Variants in EEFSEC observed in about 807,000 individuals in gnomAD.
The protein encoded by EEFSEC is eukaryotic elongation factor, selenocysteine-tRNA specific, also known as selenocysteine-specific elongation factor.
In EEFSEC, 43 loss-of-function variants were observed where a neutral mutation model predicts 42.1. That is an observed-to-expected ratio of 1.02 (90% CI 0.80 to 1.32). The LOEUF (loss-of-function observed/expected upper bound fraction) is 1.32. Among genes scored for constraint, EEFSEC ranks in the 40% most tolerant of loss-of-function variants. The pLI is 0.00. For missense variants in EEFSEC, 745 were observed against 803.6 expected, an observed-to-expected ratio of 0.93 and a Z score of 0.88; for synonymous variants, 354 against 339.1, an observed-to-expected ratio of 1.04 and a Z score of -0.48.
At chr3:128,383,315 C>T (rs1009539846) in intron 6 of EEFSEC, among the ~76,000 whole-genome samples, 3 of 152,164 alleles carry the variant, frequency 2.0e-5, no homozygotes, top group Non-Finnish European at 2.9e-5. Flanking sequence ...AATAAGTGCT[C>T]CGTGAATATG....
chr3:128,323,725 C>T (rs1056560317), intron 4 of EEFSEC, among the ~76,000 whole-genome samples: 3 of 152,210 alleles, frequency 2.0e-5, no homozygotes, highest in African/African-American at 7.2e-5. Context: ...TGGAGCACTT[C>T]CTCCCCTGAA....
intron 6 of EEFSEC, among the ~76,000 whole-genome samples, chr3:128,372,448 C>T (rs974324310): frequency 6.6e-6 from 1 of 152,156 alleles, no homozygotes; most frequent in African/African-American, 2.4e-5. Flanking sequence ...CCCCAAATTC[C>T]CCCATGATTT....
At chr3:128,274,871 A>G (rs754648163) in intron 4 of EEFSEC, among the ~76,000 whole-genome samples, 1 of 152,134 alleles carries the variant, frequency 6.6e-6, no homozygotes, top group Non-Finnish European at 1.5e-5. Flanking sequence ...TTCAGGTGGG[A>G]ATGGTTCTTC....
At chr3:128,183,437 A>T (rs184853019) in intron 1 of EEFSEC, among the ~76,000 whole-genome samples, 242 of 152,250 alleles carry the variant, frequency 1.6e-3, no homozygotes, top group African/African-American at 5.5e-3. Flanking sequence ...TGTATACTCT[A>T]TGTCTGTCTA....
chr3:128,326,282 C>T lies in EEFSEC; in HGVS notation c.787-14951C>T, dbSNP rs531162629. On this transcript the variant is annotated intron_variant, in intron 4 of 6. Transcript: ENST00000254730. ...GCCCTCCTGCTCTCTGGCTGCTGGG[C>T]CAGGCACTGCGTGAAGCTTGGATTG... is the stretch of plus-strand genomic sequence containing the variant. Among the ~76,000 whole-genome samples, 3 of 152,372 alleles carry T rather than the reference C, an allele frequency of 2.0e-5. No homozygotes were observed. The South Asian group carries it at 6.2e-4, about 32-fold the overall frequency.
In EEFSEC at chr3:128,341,394, C is replaced by T. The variant is rs756476023; in HGVS notation, c.948C>T (p.Leu316=). 1.1e-5 allele frequency: 17 copies of T among 1,614,074 alleles called. No individual in the cohort carries two copies. Among genetic ancestry groups the T allele is most frequent in the Middle Eastern group, 3.3e-4 (2 of 6,084 alleles). The part of the protein sequence containing the change: ...PESLHTVHAA[L]ISVEKIPYFR... Reference sequence around the variant, plus strand: ...CCCTGCACACTGTCCATGCGGCCCTCATCTCTGTGGAAAAGATACCGTATT... The same window carrying T: ...CCCTGCACACTGTCCATGCGGCCCTTATCTCTGTGGAAAAGATACCGTATT... The change falls in exon 5 of 7, where the codon CTC becomes CTT. Residue 316 remains leucine, a synonymous_variant. Coordinates refer to ENST00000254730, the MANE Select transcript of EEFSEC (RefSeq NM_021937.5).
chr3:128,259,327 A>G (rs1400850114), intron 2 of EEFSEC, among the ~76,000 whole-genome samples: 1 of 152,216 alleles, frequency 6.6e-6, no homozygotes, highest in Non-Finnish European at 1.5e-5. Flanking sequence ...TGGGTATACA[A>G]ACAATTGGAA....
chr3:128,289,606 A>G (rs1212242684), intron 4 of EEFSEC, among the ~76,000 whole-genome samples: 1 of 152,234 alleles, frequency 6.6e-6, no homozygotes, highest in South Asian at 2.1e-4. Context: ...GAAATGTCCC[A>G]TTTTAAAATA....
chr3:128,261,519 G>A (rs955883953), intron 2 of EEFSEC, among the ~76,000 whole-genome samples: 1 of 150,158 alleles, frequency 6.7e-6, no homozygotes, highest in Admixed American at 6.6e-5. Context: ...ACCAAATGAT[G>A]GGATTATGGG....
chr3:128,191,209 G>A (rs767763716), intron 1 of EEFSEC, among the ~76,000 whole-genome samples: 24 of 152,142 alleles, frequency 1.6e-4, no homozygotes, highest in South Asian at 1.0e-3. Flanking sequence ...TTGCCATGTC[G>A]TGGTTTCATC....
chr3:128,329,802 T>C lies in EEFSEC; in HGVS notation c.787-11431T>C, dbSNP rs2335770. 0.028 allele frequency among the ~76,000 whole-genome samples: 4,257 copies of C among 152,318 alleles called. 419 individuals are homozygous for C. In the East Asian group the frequency reaches 0.36, roughly 13 times the overall value. ...GTGGGAGCCACACATAGGAGGGACA[T>C]GGCCAGTGCTGGGCTTTCATAAACC... On this transcript the variant is annotated intron_variant, in intron 4 of 6. Coordinates refer to ENST00000254730, the MANE Select transcript of EEFSEC (RefSeq NM_021937.5).
the EEFSEC span, among the ~76,000 whole-genome samples, chr3:128,420,903 A>C: frequency 2.6e-5 from 4 of 152,062 alleles, no homozygotes; most frequent in African/African-American, 9.7e-5. Flanking sequence ...CAGGTTCCAG[A>C]AGCGGCGGCC....
At chr3:128,206,442 C>T (rs2065697420) in intron 1 of EEFSEC, among the ~76,000 whole-genome samples, 1 of 152,168 alleles carries the variant, frequency 6.6e-6, no homozygotes, top group South Asian at 2.1e-4. Context: ...GGTTCCATCT[C>T]TGCTGTGGGA....
the EEFSEC span, among the ~76,000 whole-genome samples, chr3:128,419,596 C>T: frequency 6.6e-6 from 1 of 152,160 alleles, no homozygotes. Context: ...GGCACTCAGC[C>T]TTATGTTTTC....
intron 6 of EEFSEC, among the ~76,000 whole-genome samples, chr3:128,380,054 A>G (rs1431986300): frequency 6.6e-6 from 1 of 152,196 alleles, no homozygotes; most frequent in Non-Finnish European, 1.5e-5. Context: ...TATTGGTCTC[A>G]TGTCATTAGT....
At chr3:128,371,109 C>A (rs1394396207) in intron 6 of EEFSEC, among the ~76,000 whole-genome samples, 4 of 151,680 alleles carry the variant, frequency 2.6e-5, no homozygotes, top group East Asian at 1.9e-4. Flanking sequence ...GGTTTTGGAG[C>A]AGTTTTTTTT....
chr3:128,295,953 C>T (rs1431156689), intron 4 of EEFSEC, among the ~76,000 whole-genome samples: 2 of 152,204 alleles, frequency 1.3e-5, no homozygotes, highest in East Asian at 3.9e-4. Flanking sequence ...CCAGCCCCAG[C>T]CTCAGCTCTT....
At chr3:128,410,206 G>A (rs892852270), downstream of EEFSEC, among the ~76,000 whole-genome samples, 4 of 152,176 alleles carry the variant, frequency 2.6e-5, no homozygotes, top group Non-Finnish European at 5.9e-5. Context: ...CTTCTTAGGC[G>A]AGGAAACCTC....
intron 6 of EEFSEC, among the ~76,000 whole-genome samples, chr3:128,363,571 G>A (rs2067554474): frequency 6.6e-6 from 1 of 152,168 alleles, no homozygotes; most frequent in Admixed American, 6.5e-5. Flanking sequence ...GAGGGAGTCA[G>A]GAAAGCCACT....
Sources: gnomAD v4.1 joint callset for allele counts (sites outside exome capture counted in the v4.1 genomes callset) on GRCh38, gnomAD v4.1.1 for gene constraint, MANE v1.5 for transcripts, NCBI Gene and HGNC (gene_info 2026-07-23, HGNC 2026-07-21) for gene names.